The following SORCS2 variants were observed in gnomAD, a reference collection of about 807,000 sequenced individuals.
The protein encoded by SORCS2 is VPS10 domain-containing receptor SorCS2.
Under a neutral mutation model 141.6 loss-of-function variants are expected in SORCS2, and 100 were observed. The observed-to-expected ratio is 0.71, with a 90% CI of 0.60 to 0.83. The LOEUF is 0.83. Ranked by LOEUF, SORCS2 falls within the 40% of genes least tolerant of loss-of-function variation. The pLI, the probability that SORCS2 is intolerant of heterozygous loss-of-function variation, is 0.00. For synonymous variants in SORCS2, 789 were observed against 676.9 expected (o/e 1.17, Z -2.57); for missense variants, 1,646 against 1,560.2 (o/e 1.05, Z -0.93).
chr4:7,270,516 C>T (rs1010197925), intron 1 of SORCS2, among the ~76,000 whole-genome samples: 8 of 152,272 alleles, frequency 5.3e-5, no homozygotes, highest in Middle Eastern at 3.4e-3. Flanking sequence ...GATCTGGCCC[C>T]GCAGCTACGG....
chr4:7,524,816 T>G (rs1733566559), intron 2 of SORCS2, among the ~76,000 whole-genome samples: 1 of 152,118 alleles, frequency 6.6e-6, no homozygotes, highest in East Asian at 2.0e-4. Flanking sequence ...CCAGCCAGTT[T>G]CAGGTTTTCT....
intron 1 of SORCS2, among the ~76,000 whole-genome samples, chr4:7,240,632 C>T (rs1712630217): frequency 6.6e-6 from 1 of 152,194 alleles, no homozygotes; most frequent in Non-Finnish European, 1.5e-5. Flanking sequence ...CTGGGCTGGG[C>T]TGTGTCTGCA....
At chr4:7,686,158 A>C (rs887175696) in intron 10 of SORCS2, among the ~76,000 whole-genome samples, 1 of 152,202 alleles carries the variant, frequency 6.6e-6, no homozygotes, top group African/African-American at 2.4e-5. Context: ...TCCTTCCCTC[A>C]ATGGGGAAAT....
At chr4:7,322,210 T>G (rs1376744818) in intron 1 of SORCS2, among the ~76,000 whole-genome samples, 1 of 152,138 alleles carries the variant, frequency 6.6e-6, no homozygotes, top group East Asian at 1.9e-4. Context: ...GGAGACCCAG[T>G]GCTTGTCCTA....
intron 1 of SORCS2, among the ~76,000 whole-genome samples, chr4:7,334,762 G>A (rs1432249743): frequency 2.0e-5 from 3 of 152,132 alleles, no homozygotes; most frequent in Non-Finnish European, 4.4e-5. Context: ...AAAGTGCCTG[G>A]GCCCAGAGAG....
At chr4:7,509,187 T>A (rs1360803037) in intron 2 of SORCS2, among the ~76,000 whole-genome samples, 2 of 152,102 alleles carry the variant, frequency 1.3e-5, no homozygotes, top group East Asian at 3.9e-4. Context: ...ACATTAGAGC[T>A]GGGAGCATTC....
At position 7,676,248 on chromosome 4, in the gene SORCS2, T is replaced by C. The variant is rs1193318106; in HGVS notation, c.1341+19T>C. The C allele has an allele frequency of 1.3e-6, 2 of 1,547,654 alleles. No homozygotes were observed. Among genetic ancestry groups the C allele is most frequent in the Non-Finnish European group, 1.7e-6 (2 of 1,145,308 alleles). ...CCTGGAGGTGGGTCCAGGGTGGATG[T>C]GGGCCAGGTCTGCCGCCGACCCCCT... On this transcript the variant is annotated intron_variant, in intron 9 of 26. Transcript: ENST00000507866.
chr4:7,488,361 G>T (rs1416641249), intron 2 of SORCS2, among the ~76,000 whole-genome samples: 2 of 152,192 alleles, frequency 1.3e-5, no homozygotes, highest in Non-Finnish European at 2.9e-5. Context: ...CTCTGAGCTG[G>T]GTCAAGGGCT....
Position 7,714,360 on chromosome 4 carries a change from T to A in SORCS2, c.2110T>A (p.Ser704Thr). The A allele has an allele frequency of 3.2e-6, 5 of 1,554,982 alleles. No individual in the cohort carries two copies. The highest frequency in any genetic ancestry group is 4.4e-6 in the Non-Finnish European group (5 of 1,148,970). Residue 704 changes from serine to threonine, a missense_variant, in exon 16 of 27, where the codon TCG becomes ACG. Coordinates refer to ENST00000507866, the MANE Select transcript of SORCS2 (RefSeq NM_020777.3). ...LTSRVCECRD[S>T]DFLCDYGFER... Reference sequence around the variant, plus strand: ...GTCCCGCGTGTGCGAGTGCCGGGACTCGGACTTCCTGTGGTGAGCGACGGG... The same window carrying A: ...GTCCCGCGTGTGCGAGTGCCGGGACACGGACTTCCTGTGGTGAGCGACGGG...
chr4:7,698,469 TATTTCACTAAAACTAGTG>T (rs1194587040), intron 12 of SORCS2, among the ~76,000 whole-genome samples: 1 of 152,256 alleles, frequency 6.6e-6, no homozygotes, highest in Non-Finnish European at 1.5e-5. Flanking sequence ...TTAATATTTC[TATTTCACTAAAACTAGTG>T]AAACATGTTT....
Position 7,268,470 on chromosome 4 carries a change from G to A in SORCS2, c.480+75344G>A, listed in dbSNP as rs146948105. ...CATGCAATGGGGCCGTCAAACTGAA[G>A]GAAGCTGTGCCGATGGCCACCCCAG... is the stretch of plus-strand genomic sequence containing the variant. On this transcript the variant is annotated intron_variant, in intron 1 of 26. Coordinates refer to ENST00000507866, the MANE Select transcript of SORCS2 (RefSeq NM_020777.3). Among the ~76,000 whole-genome samples, 84 of 152,298 alleles carry A rather than the reference G, an allele frequency of 5.5e-4. No homozygotes were observed. In the East Asian group the frequency reaches 0.011, roughly 19 times the overall value.
At chr4:7,320,682 T>C (rs1718842472) in intron 1 of SORCS2, among the ~76,000 whole-genome samples, 2 of 152,242 alleles carry the variant, frequency 1.3e-5, no homozygotes, top group East Asian at 1.9e-4. Context: ...AGTCATTCTG[T>C]ACACCTTGGA....
chr4:7,466,048 A>G (rs905787014), intron 2 of SORCS2, among the ~76,000 whole-genome samples: 4 of 152,310 alleles, frequency 2.6e-5, no homozygotes, highest in African/African-American at 7.2e-5. Context: ...CTCGAAGACT[A>G]TTGCTATCCA....
chr4:7,736,838 A>G lies in SORCS2; in HGVS notation c.3312-231A>G, dbSNP rs75911517. Among the ~76,000 whole-genome samples, 84 of 152,316 alleles carry G rather than the reference A, an allele frequency of 5.5e-4. No homozygotes were observed. In the East Asian group the frequency reaches 0.011, roughly 21 times the overall value. On this transcript the variant is annotated intron_variant, in intron 25 of 26. Transcript: ENST00000507866. ...CAGTGATCACCCAATGTGTCAGGGCAGAGGGAATCCCAGGGCCAAGGGAGC... is the reference window on the plus strand; with the variant it reads ...CAGTGATCACCCAATGTGTCAGGGCGGAGGGAATCCCAGGGCCAAGGGAGC...
chr4:7,576,772 C>T (rs535651635), intron 3 of SORCS2, among the ~76,000 whole-genome samples: 52 of 152,320 alleles, frequency 3.4e-4, no homozygotes, highest in African/African-American at 1.2e-3. Flanking sequence ...CAGCAAAGGG[C>T]TGCCTGCTCA....
intron 1 of SORCS2, among the ~76,000 whole-genome samples, chr4:7,307,153 C>G (rs1275943764): frequency 4.6e-5 from 7 of 152,186 alleles, no homozygotes; most frequent in Non-Finnish European, 1.5e-5. Flanking sequence ...CTGAAGGCGA[C>G]GCCAGCCTCA....
Position 7,715,145 on chromosome 4 carries a change from T to A in SORCS2, c.2124-38T>A, listed in dbSNP as rs775822543. On this transcript the variant is annotated intron_variant, in intron 16 of 26. Transcript: ENST00000507866. ...ACCCTGGGTGACTCCGGTTCCCACC[T>A]GTGCCCGTCACTTACCACTACTCTT... The A allele has an allele frequency of 1.7e-5, 28 of 1,607,828 alleles. No individual in the cohort carries two copies. In the African/African-American group the frequency reaches 3.5e-4, roughly 20 times the overall value.
chr4:7,209,921 C>A (rs1727965309), intron 1 of SORCS2, among the ~76,000 whole-genome samples: 1 of 152,222 alleles, frequency 6.6e-6, no homozygotes, highest in South Asian at 2.1e-4. Flanking sequence ...TGGGCCAGAT[C>A]CTCTGCCGGG....
At chr4:7,724,327 A>AAT (rs1560113471) in intron 19 of SORCS2, among the ~76,000 whole-genome samples, 5 of 67,268 alleles carry the variant, frequency 7.4e-5, no homozygotes, top group Admixed American at 2.8e-4. Context: ...TGGTGGTGAT[A>AAT]GGGTGATGGT....
Sources: allele counts gnomAD v4.1 joint callset (sites outside exome capture counted in the v4.1 genomes callset), GRCh38; gene constraint gnomAD v4.1.1; transcripts MANE v1.5; gene names NCBI Gene and HGNC (gene_info 2026-07-23, HGNC 2026-07-21).